The following PID1 variants were observed in gnomAD, a reference collection of about 807,000 sequenced individuals.
The protein encoded by PID1 is PTB-containing, cubilin and LRP1-interacting protein.
A neutral mutation model predicts 19.1 loss-of-function variants in PID1; 10 were observed. The observed-to-expected ratio is 0.52, with a 90% CI of 0.32 to 0.89. The LOEUF (loss-of-function observed/expected upper bound fraction) is 0.89, where lower values mean the gene tolerates loss of function less well. Ranked by LOEUF, PID1 falls within the 40% of genes least tolerant of loss-of-function variation. The pLI is 0.03. For synonymous variants in PID1, 130 were observed against 116.0 expected (o/e 1.12, Z -0.78); for missense variants, 248 against 285.3 (o/e 0.87, Z 0.94).
intron 2 of PID1, among the ~76,000 whole-genome samples, chr2:229,077,105 A>G (rs1694573796): frequency 6.6e-6 from 1 of 152,198 alleles, no homozygotes; most frequent in South Asian, 2.1e-4. Context: ...ATGAGATGGT[A>G]TCTCATTGTG....
At chr2:229,140,633 C>G (rs1228939078) in intron 2 of PID1, among the ~76,000 whole-genome samples, 2 of 152,012 alleles carry the variant, frequency 1.3e-5, no homozygotes, top group Non-Finnish European at 2.9e-5. Flanking sequence ...ACTATCAAAG[C>G]TATGTGAAAT....
intron 1 of PID1, among the ~76,000 whole-genome samples, chr2:229,162,008 A>G (rs575214983): frequency 6.6e-6 from 1 of 152,372 alleles, no homozygotes; most frequent in East Asian, 1.9e-4. Flanking sequence ...CAAAAGAAGA[A>G]TCTAATAGAG....
At chr2:229,250,066 G>A (rs1690110365) in intron 1 of PID1, among the ~76,000 whole-genome samples, 1 of 152,198 alleles carries the variant, frequency 6.6e-6, no homozygotes, top group Non-Finnish European at 1.5e-5. Context: ...TACAGAAAGT[G>A]AAGGGAAATT....
chr2:229,230,719 T>C (rs2106266644), intron 1 of PID1, among the ~76,000 whole-genome samples: 1 of 152,322 alleles, frequency 6.6e-6, no homozygotes, highest in African/African-American at 2.4e-5. Flanking sequence ...TTTTTAATTT[T>C]ACATATCAAA....
At chr2:229,081,713 A>G (rs1694671967) in intron 2 of PID1, among the ~76,000 whole-genome samples, 2 of 152,222 alleles carry the variant, frequency 1.3e-5, no homozygotes, top group South Asian at 2.1e-4. Context: ...ATTAAAGGTG[A>G]CTATATCATC....
chr2:229,034,246 C>T (rs959414302), intron 2 of PID1, among the ~76,000 whole-genome samples: 2 of 152,156 alleles, frequency 1.3e-5, no homozygotes, highest in African/African-American at 2.4e-5. Context: ...AGAACCAATT[C>T]CTGGTTCCTG....
chr2:229,213,923 G>A lies in PID1; in HGVS notation c.30+57091C>T, dbSNP rs186357311. 5.9e-5 allele frequency among the ~76,000 whole-genome samples: 9 copies of A among 152,286 alleles called. No homozygotes were observed. The East Asian group carries it at 1.7e-3, about 29-fold the overall frequency. ...AACTATGTAGAATTTAATTCAGAGT[G>A]CATCAGAAATACAAATATTACATCA... On this transcript the variant is annotated intron_variant, in intron 1 of 2. Coordinates refer to ENST00000392055, the MANE Select transcript of PID1 (RefSeq NM_001100818.2).
At chr2:229,139,752 AATG>A (rs1689972010) in intron 2 of PID1, among the ~76,000 whole-genome samples, 1 of 152,152 alleles carries the variant, frequency 6.6e-6, no homozygotes, top group Non-Finnish European at 1.5e-5. Context: ...CATCCACACA[AATG>A]ATGATGAGTT....
At chr2:229,242,737 A>G (rs1689902183) in intron 1 of PID1, among the ~76,000 whole-genome samples, 1 of 152,100 alleles carries the variant, frequency 6.6e-6, no homozygotes, top group South Asian at 2.1e-4. Context: ...AACCAATCTG[A>G]GTCATTTGTT....
In PID1 at chr2:229,196,265, C is replaced by T. The variant is rs1691376392; in HGVS notation, c.31-40301G>A. Among the ~76,000 whole-genome samples the T allele has an allele frequency of 2.0e-5, 3 of 152,082 alleles. No individual in the cohort carries two copies. The South Asian group carries it at 6.2e-4, about 32-fold the overall frequency. On this transcript the variant is annotated intron_variant, in intron 1 of 2. Transcript: ENST00000392055. ...ATACTCAGAGGCAGTAAAAAACATA[C>T]AGTTTCATTGTTAACCTTGATAAAA...
chr2:229,031,008 G>A (rs1693537629), intron 2 of PID1, among the ~76,000 whole-genome samples: 1 of 151,962 alleles, frequency 6.6e-6, no homozygotes, highest in African/African-American at 2.4e-5. Context: ...ACAAGGTCAG[G>A]AGTTTGAGAC....
chr2:229,139,620 C>T (rs1036966738), intron 2 of PID1, among the ~76,000 whole-genome samples: 2 of 152,116 alleles, frequency 1.3e-5, no homozygotes, highest in African/African-American at 2.4e-5. Context: ...TCTTGATCTA[C>T]GAATGTAGAG....
intron 1 of PID1, among the ~76,000 whole-genome samples, chr2:229,229,552 C>T (rs1242292630): frequency 2.0e-5 from 3 of 152,172 alleles, no homozygotes; most frequent in Non-Finnish European, 4.4e-5. Context: ...GGAAGGATCG[C>T]CTGAGCCCAG....
intron 2 of PID1, among the ~76,000 whole-genome samples, chr2:229,077,839 T>G (rs1694591512): frequency 6.6e-6 from 1 of 152,206 alleles, no homozygotes; most frequent in Non-Finnish European, 1.5e-5. Context: ...GCTTTGTTCT[T>G]TTTGCTTAGG....
chr2:229,033,246 T>G (rs555574926), intron 2 of PID1, among the ~76,000 whole-genome samples: 61 of 152,186 alleles, frequency 4.0e-4, no homozygotes, highest in Non-Finnish European at 8.4e-4. Flanking sequence ...TGGATGATTG[T>G]GCAAGAACCC....
At chr2:229,202,035 AG>A (rs1691509226) in intron 1 of PID1, among the ~76,000 whole-genome samples, 1 of 152,098 alleles carries the variant, frequency 6.6e-6, no homozygotes, top group South Asian at 2.1e-4. Context: ...AAGAAATAGA[AG>A]TGAAGCTAGT....
intron 2 of PID1, among the ~76,000 whole-genome samples, chr2:229,152,035 T>C (rs1031187977): frequency 6.6e-6 from 1 of 152,192 alleles, no homozygotes; most frequent in Non-Finnish European, 1.5e-5. Context: ...CAGAGCCCAG[T>C]TCTTCCTTAG....
chr2:229,196,297 T>C (rs897900632), intron 1 of PID1, among the ~76,000 whole-genome samples: 2 of 152,028 alleles, frequency 1.3e-5, no homozygotes, highest in Non-Finnish European at 2.9e-5. Context: ...AAAAGAAATA[T>C]AGGTTAGCCT....
intron 1 of PID1, among the ~76,000 whole-genome samples, chr2:229,208,099 G>C (rs1158657551): frequency 2.0e-5 from 3 of 152,050 alleles, no homozygotes; most frequent in South Asian, 2.1e-4. Flanking sequence ...CTTTTCCCAG[G>C]CCTCTGGGTT....
Sources: gnomAD v4.1 joint callset for allele counts (sites outside exome capture counted in the v4.1 genomes callset) on GRCh38, gnomAD v4.1.1 for gene constraint, MANE v1.5 for transcripts, NCBI Gene and HGNC (gene_info 2026-07-23, HGNC 2026-07-21) for gene names.